Variants in YEATS2 observed in about 807,000 individuals in gnomAD.
The protein encoded by YEATS2 is YEATS domain containing 2, also known as YEATS domain-containing protein 2.
YEATS2 carries 77 observed loss-of-function variants against 163.2 expected under a neutral mutation model. That is an observed-to-expected ratio of 0.47 (90% CI 0.39 to 0.57). The LOEUF (loss-of-function observed/expected upper bound fraction) is 0.57, where lower values mean the gene tolerates loss of function less well. Ranked by LOEUF, YEATS2 falls within the 20% of genes least tolerant of loss-of-function variation. The probability of loss-of-function intolerance (pLI) is 0.00; values close to 1 mark genes in which losing one functional copy is unlikely to be tolerated. For missense variants in YEATS2, 1,549 were observed against 1,729.8 expected, an observed-to-expected ratio of 0.90 and a Z score of 1.85; for synonymous variants, 631 against 645.1, an observed-to-expected ratio of 0.98 and a Z score of 0.33.
At chr3:183,775,575 C>A (rs934250374) in intron 17 of YEATS2, among the ~76,000 whole-genome samples, 1 of 152,180 alleles carries the variant, frequency 6.6e-6, no homozygotes, top group African/African-American at 2.4e-5. Flanking sequence ...AGCCTGGCGA[C>A]AGAGTGAGAC....
rs754746617 is a variant in YEATS2 at position 183,776,174 on chromosome 3, A to G, written c.2577+51A>G. 3 of 1,483,644 alleles carry G rather than the reference A, an allele frequency of 2.0e-6. No individual in the cohort carries two copies. The East Asian group carries it at 6.9e-5, about 34-fold the overall frequency. The allele number at this position is 1,483,644 out of a possible 1,614,324, so 91.9% of individuals were successfully genotyped here. ...TAAATCATTTAGCTATTGGATAACT[A>G]TGCTTAATTATAATTGATTTACCTT... On this transcript the variant is annotated intron_variant, in intron 18 of 30. Coordinates refer to ENST00000305135, the MANE Select transcript of YEATS2 (RefSeq NM_018023.5).
intron 1 of YEATS2, among the ~76,000 whole-genome samples, chr3:183,706,645 C>G (rs569503207): frequency 6.6e-6 from 1 of 152,240 alleles, no homozygotes; most frequent in South Asian, 2.1e-4. Context: ...GGAGAAACCC[C>G]GTCTCTACTA....
chr3:183,770,427 A>G (rs1722343938), intron 15 of YEATS2, among the ~76,000 whole-genome samples: 2 of 152,188 alleles, frequency 1.3e-5, no homozygotes, highest in South Asian at 2.1e-4. Flanking sequence ...TCAGTTGAAT[A>G]TGCTTTATCA....
chr3:183,706,079 A>G (rs1385726102), intron 1 of YEATS2, among the ~76,000 whole-genome samples: 1 of 151,852 alleles, frequency 6.6e-6, no homozygotes, highest in Non-Finnish European at 1.5e-5. Context: ...CCAGATAGTA[A>G]TATTGAGCAC....
At chr3:183,800,123 C>T (rs541314100) in intron 23 of YEATS2, among the ~76,000 whole-genome samples, 7 of 152,208 alleles carry the variant, frequency 4.6e-5, no homozygotes, top group East Asian at 1.9e-4. Flanking sequence ...TGAGCCACCG[C>T]GCCCGGCCCA....
intron 6 of YEATS2, among the ~76,000 whole-genome samples, chr3:183,726,414 A>T (rs886335860): frequency 4.6e-5 from 7 of 152,228 alleles, no homozygotes; most frequent in African/African-American, 1.7e-4. Flanking sequence ...CAAGCTCCAG[A>T]GCCATGTACT....
At position 183,728,718 on chromosome 3, in the gene YEATS2, A is replaced by G. The variant is rs780935322; in HGVS notation, c.679A>G (p.Asn227Asp). Residue 227 changes from asparagine to aspartate, a missense_variant, in exon 7 of 31, where the codon AAT (asparagine) becomes GAT (aspartate). Physicochemically the swap from Asn to Asp is conservative, Grantham distance 23. Transcript: ENST00000305135. Reference protein sequence around the residue: ...KYIPPDKREENDQSTHKWMVY... With the variant: ...KYIPPDKREEDDQSTHKWMVY... ...TATACCTCCGGATAAGAGGGAAGAA[A>G]ATGACCAGTCAACTCATAAGTGGAT... 6.2e-7 allele frequency: 1 copy of G among 1,612,386 alleles called. No individual in the cohort carries two copies. The highest frequency in any genetic ancestry group is 1.1e-5 in the South Asian group (1 of 90,442).
intron 2 of YEATS2, 23 bp downstream of exon 2, chr3:183,715,285 T>G (rs1349020760): frequency 1.3e-6 from 2 of 1,549,148 alleles, no homozygotes; most frequent in Non-Finnish European, 1.8e-6. Flanking sequence ...CCTTAGGAAA[T>G]TATTTCTTTA....
At chr3:183,732,204 A>T (rs914972594) in intron 7 of YEATS2, among the ~76,000 whole-genome samples, 28 of 150,812 alleles carry the variant, frequency 1.9e-4, no homozygotes, top group African/African-American at 6.6e-4. Context: ...TAATCCCAGC[A>T]CTTTGGGAGA....
chr3:183,741,033 G>T (rs1718901011), intron 8 of YEATS2, among the ~76,000 whole-genome samples: 1 of 151,994 alleles, frequency 6.6e-6, no homozygotes, highest in African/African-American at 2.4e-5. Context: ...TTGTATCCTG[G>T]GTTCAAGCAA....
At chr3:183,787,189 G>A (rs1186645156) in intron 20 of YEATS2, among the ~76,000 whole-genome samples, 1 of 152,110 alleles carries the variant, frequency 6.6e-6, no homozygotes, top group Non-Finnish European at 1.5e-5. Flanking sequence ...TCCTGACCTC[G>A]TGATCCACCT....
intron 15 of YEATS2, among the ~76,000 whole-genome samples, chr3:183,763,161 C>T (rs1220831806): frequency 6.6e-6 from 1 of 151,940 alleles, no homozygotes; most frequent in Non-Finnish European, 1.5e-5. Context: ...CATTCTGAGA[C>T]GTGTCATTAG....
intron 8 of YEATS2, among the ~76,000 whole-genome samples, chr3:183,742,909 C>T (rs537944709): frequency 1.3e-5 from 2 of 152,226 alleles, no homozygotes; most frequent in Non-Finnish European, 2.9e-5. Context: ...CAAGACCCTC[C>T]ACCAACAAAG....
At chr3:183,794,730 A>G (rs1414883914) in intron 21 of YEATS2, among the ~76,000 whole-genome samples, 4 of 152,236 alleles carry the variant, frequency 2.6e-5, no homozygotes, top group Non-Finnish European at 5.9e-5. Flanking sequence ...AAAAACTCCA[A>G]AGTCAACCAT....
intron 27 of YEATS2, chr3:183,806,624 ACT>A (rs995170199): frequency 3.8e-6 from 2 of 525,576 alleles, no homozygotes; most frequent in African/African-American, 3.8e-5. Flanking sequence ...GAGAATTCCT[ACT>A]CTTTCATCTT....
intron 19 of YEATS2, among the ~76,000 whole-genome samples, chr3:183,777,905 C>T (rs1325691320): frequency 1.3e-5 from 2 of 151,946 alleles, no homozygotes; most frequent in African/African-American, 4.8e-5. Flanking sequence ...GAGTTGGAGA[C>T]CAGCCTGGCC....
In YEATS2 at chr3:183,717,766, T is replaced by G. The variant is rs765337149; in HGVS notation, c.198+18T>G. 9.2e-6 allele frequency: 13 copies of G among 1,418,006 alleles called. 1 individual carries two copies. Among genetic ancestry groups the G allele is most frequent in the Non-Finnish European group, 9.4e-6 (10 of 1,061,062 alleles). 87.8% of individuals were successfully genotyped at this position (1,418,006 alleles called of 1,614,324 possible). A position where few individuals can be genotyped will look rare whatever the true frequency, so the allele number is the denominator to read the frequency against. ...TTGACCAGGTATAATGATGATAAAT[T>G]GAAATAAACACCAAAGCTATTGAAA... On this transcript the variant is annotated intron_variant, in intron 3 of 30. Transcript: ENST00000305135.
At chr3:183,748,064 C>T (rs989067651) in intron 9 of YEATS2, among the ~76,000 whole-genome samples, 1 of 151,854 alleles carries the variant, frequency 6.6e-6, no homozygotes, top group South Asian at 2.1e-4. Flanking sequence ...GTTTGCCTTT[C>T]TGTGTTAGTC....
chr3:183,794,888 G>T (rs1724992658), intron 21 of YEATS2, among the ~76,000 whole-genome samples: 1 of 152,066 alleles, frequency 6.6e-6, no homozygotes. Context: ...CCCATCTAGG[G>T]GCTGGGTGCA....
Sources: gnomAD v4.1 joint callset for allele counts (sites outside exome capture counted in the v4.1 genomes callset) on GRCh38, gnomAD v4.1.1 for gene constraint, MANE v1.5 for transcripts, NCBI Gene and HGNC (gene_info 2026-07-23, HGNC 2026-07-21) for gene names.